The following ITIH3 variants were observed in gnomAD, a reference collection of about 807,000 sequenced individuals.
ITIH3 encodes inter-alpha-trypsin inhibitor heavy chain H3.
Under a neutral mutation model 96.5 loss-of-function variants are expected in ITIH3, and 81 were observed. The ratio of observed to expected loss-of-function variants is 0.84; its 90% confidence interval spans 0.70 to 1.01. The LOEUF is 1.01. Ranked by LOEUF, ITIH3 falls within the 50% of genes least tolerant of loss-of-function variation. The pLI, the probability that ITIH3 is intolerant of heterozygous loss-of-function variation, is 0.00. For missense variants in ITIH3, 1,057 were observed against 1,139.3 expected (o/e 0.93, Z 1.04); for synonymous variants, 422 against 445.2 (o/e 0.95, Z 0.66).
intron 8 of ITIH3, 107 bp downstream of exon 8, chr3:52,799,595 G>C (rs1420178449): frequency 1.9e-6 from 2 of 1,073,908 alleles, no homozygotes; most frequent in African/African-American, 3.2e-5. Context: ...AGGAGAAAGG[G>C]GACAGGATAA....
At chr3:52,801,326 C>T (rs1699823059) in intron 11 of ITIH3, among the ~76,000 whole-genome samples, 180 bp downstream of exon 11, 1 of 152,170 alleles carries the variant, frequency 6.6e-6, no homozygotes, top group African/African-American at 2.4e-5. Context: ...CACAACAGGC[C>T]CGTTTCTTCA....
At chr3:52,797,745 T>C in intron 5 of ITIH3, 72 bp from the exon 6 acceptor site, 1 of 925,146 alleles carries the variant, frequency 1.1e-6, no homozygotes, top group South Asian at 1.5e-5. Flanking sequence ...CCCATCTCAT[T>C]CCCATTGGCC....
intron 2 of ITIH3, 184 bp downstream of exon 2, chr3:52,795,807 C>T: frequency 1.7e-6 from 1 of 581,300 alleles, no homozygotes; most frequent in Non-Finnish European, 3.0e-6. Flanking sequence ...AGAGTGACGA[C>T]CCCTCCAACC....
Position 52,808,139 on chromosome 3 carries a change from GT to G in ITIH3, c.2462del (p.Val821GlyfsTer19). On this transcript the variant is annotated frameshift_variant, in exon 21 of 22. Transcript: ENST00000449956. LOFTEE classifies it high-confidence loss of function. ...GQFFQPFDFK[V>X]SDIRPGSDPT... is the part of the protein sequence containing the mutation. Reference sequence around the variant, plus strand: ...ATTCTTCCAACCCTTTGACTTTAAAGTGTCTGACATCCGGCCAGGCTCTGAC... The same window carrying G: ...ATTCTTCCAACCCTTTGACTTTAAAGGTCTGACATCCGGCCAGGCTCTGAC... 1 of 1,614,178 alleles carries G rather than the reference GT, an allele frequency of 6.2e-7. No homozygotes were observed. Among genetic ancestry groups the G allele is most frequent in the Non-Finnish European group, 8.5e-7 (1 of 1,180,012 alleles).
chr3:52,803,895 C>G lies in ITIH3; in HGVS notation c.1750C>G (p.Arg584Gly). 2 of 1,613,990 alleles carry G rather than the reference C, an allele frequency of 1.2e-6. No individual in the cohort carries two copies. The highest frequency in any genetic ancestry group is 1.1e-5 in the South Asian group (1 of 91,074). Residue 584 changes from arginine (R) to glycine (G), a missense_variant, in exon 14 of 22, where the codon CGG becomes GGG. Transcript: ENST00000449956. ...HGEEKENLTA[R>G]ALDLSLKYHF... ...CGAGGAGAAGGAGAACCTCACGGCC[C>G]GGGCCCTGGACCTGTCCCTCAAGTA...
chr3:52,806,859 A>C (rs763442556), intron 18 of ITIH3, 42 bp from the exon 19 acceptor site: 2 of 1,517,430 alleles, frequency 1.3e-6, no homozygotes, highest in South Asian at 2.4e-5. Context: ...CTGGACTCAG[A>C]AGTTCTCGCT....
chr3:52,808,370 C>G, intron 21 of ITIH3, 149 bp downstream of exon 21: 1 of 1,077,278 alleles, frequency 9.3e-7, no homozygotes, highest in South Asian at 1.5e-5. Context: ...CAGGCTCTTG[C>G]TAATCAAGAA....
chr3:52,794,964 A>C, intron 1 of ITIH3, 68 bp downstream of exon 1: 5 of 1,282,404 alleles, frequency 3.9e-6, no homozygotes, highest in Non-Finnish European at 5.7e-6. Flanking sequence ...ATGCTGGGCA[A>C]GGCCTCTGAG....
At chr3:52,795,513 C>A in intron 1 of ITIH3, 90 bp from the exon 2 acceptor site, 1 of 1,434,110 alleles carries the variant, frequency 7.0e-7, no homozygotes, top group Non-Finnish European at 9.6e-7. Context: ...CACTGAACCC[C>A]TGGTCTCAGC....
chr3:52,799,144 G>T, intron 7 of ITIH3, 53 bp downstream of exon 7: 1 of 1,598,232 alleles, frequency 6.3e-7, no homozygotes. Flanking sequence ...TGGTCGGGCG[G>T]GGGCTGCAGC....
In ITIH3 at chr3:52,806,994, A is replaced by G. The variant is rs746639119; in HGVS notation, c.2150A>G (p.Asn717Ser). The G allele has an allele frequency of 5.6e-6, 9 of 1,598,990 alleles. No homozygotes were observed. The highest frequency in any genetic ancestry group is 1.3e-5 in the African/African-American group (1 of 74,586). The change falls in exon 19 of 22, where the codon AAT (asparagine) becomes AGT (serine). Residue 717 changes from asparagine (N) to serine (S), a missense_variant. By Grantham distance (46) the Asn-to-Ser change is conservative. Transcript: ENST00000449956. The stretch of plus-strand genomic sequence containing the variant: ...TACTTTGGAAAACTGGGCATCGCCA[A>G]TGCTCAGATGGACTTCCAGGTGGAG... ...KTYFGKLGIA[N>S]AQMDFQVEVT...
At chr3:52,800,393 G>T in intron 9 of ITIH3, 145 bp from the exon 10 acceptor site, 3 of 865,546 alleles carry the variant, frequency 3.5e-6, no homozygotes, top group Non-Finnish European at 5.2e-6. Context: ...TTCATTCATT[G>T]TTTGCTGAGT....
At chr3:52,808,291 C>A in intron 21 of ITIH3, 70 bp downstream of exon 21, 2 of 1,326,116 alleles carry the variant, frequency 1.5e-6, no homozygotes, top group Non-Finnish European at 2.2e-6. Context: ...GCAGCCCAGG[C>A]ACATTAGTCT....
At position 52,807,572 on chromosome 3, in the gene ITIH3, G is replaced by A. The variant is rs187335012; in HGVS notation, c.2262-175G>A. Among the ~76,000 whole-genome samples, 8 of 152,344 alleles carry A rather than the reference G, an allele frequency of 5.3e-5. No individual in the cohort carries two copies. In the East Asian group the frequency reaches 1.5e-3, roughly 29 times the overall value. On this transcript the variant is annotated intron_variant, in intron 19 of 21. Transcript: ENST00000449956. ...TAGACACTCAAGGATCCACTCACGG[G>A]AGGGGAGACAGTGTGCATGAGGCAT...
intron 8 of ITIH3, 122 bp from the exon 9 acceptor site, chr3:52,799,631 T>C: frequency 8.6e-7 from 1 of 1,168,420 alleles, no homozygotes; most frequent in South Asian, 1.5e-5. Flanking sequence ...CTCTGCCCGC[T>C]TCTGTGGCAA....
In ITIH3 at chr3:52,799,025, C is replaced by T. The variant is rs1370588400; in HGVS notation, c.723C>T (p.Asp241=). ...DQQRSCPTCT[D]SLLNGDFTIT... is the part of the protein sequence containing the mutation. ...AGCGTTCATGCCCAACCTGTACAGA[C>T]TCCCTCCTCAATGGAGATTTCACTA... The change falls in exon 7 of 22, where the codon GAC becomes GAT. Residue 241 remains aspartate (D), a synonymous_variant. Transcript: ENST00000449956. 2 of 1,613,640 alleles carry T rather than the reference C, an allele frequency of 1.2e-6. No individual in the cohort carries two copies. Among genetic ancestry groups the T allele is most frequent in the East Asian group, 2.2e-5 (1 of 44,886 alleles).
intron 15 of ITIH3, chr3:52,805,151 T>A: frequency 3.3e-6 from 1 of 298,660 alleles, no homozygotes; most frequent in Non-Finnish European, 5.3e-6. Context: ...AAGCTGGTAC[T>A]TAGGCCAAGG....
chr3:52,801,338 C>T (rs736408), intron 11 of ITIH3, among the ~76,000 whole-genome samples, 192 bp downstream of exon 11: 70,056 of 152,124 alleles, frequency 0.46, 17,713 homozygotes, highest in African/African-American at 0.68. Context: ...GTTTCTTCAA[C>T]AGGATTATCA....
chr3:52,797,647 C>A (rs1210020900), intron 5 of ITIH3, among the ~76,000 whole-genome samples, 170 bp from the exon 6 acceptor site: 1 of 152,230 alleles, frequency 6.6e-6, no homozygotes, highest in Non-Finnish European at 1.5e-5. Context: ...AGCATACTCT[C>A]CTCCAAGCCC....
Sources: gnomAD v4.1 joint callset for allele counts (sites outside exome capture counted in the v4.1 genomes callset) on GRCh38, gnomAD v4.1.1 for gene constraint, MANE v1.5 for transcripts, NCBI Gene and HGNC (gene_info 2026-07-23, HGNC 2026-07-21) for gene names.